The following WWC2 variants were observed in gnomAD, a reference collection of about 807,000 sequenced individuals.
WWC2 encodes protein WWC2.
Under a neutral mutation model 138.5 loss-of-function variants are expected in WWC2, and 101 were observed. The ratio of observed to expected loss-of-function variants is 0.73; its 90% CI spans 0.62 to 0.86. The LOEUF (loss-of-function observed/expected upper bound fraction) is 0.86, where lower values mean the gene tolerates loss of function less well. Ranked by LOEUF, WWC2 falls within the 40% of genes least tolerant of loss-of-function variation. The pLI is 0.00. For synonymous variants in WWC2, 558 were observed against 538.4 expected (o/e 1.04, Z -0.50); for missense variants, 1,420 against 1,419.4 (o/e 1.00, Z -0.01).
At chr4:183,139,680 C>T (rs1733232634) in intron 1 of WWC2, among the ~76,000 whole-genome samples, 1 of 152,182 alleles carries the variant, frequency 6.6e-6, no homozygotes, top group Admixed American at 6.5e-5. Flanking sequence ...CCTAGAATAA[C>T]CAGGCCTATC....
rs571213524 is a variant in WWC2, at chr4:183,316,157, G to A, written c.*428G>A. ...ATGGCAGCAGCGCCACGTGGTATCT[G>A]TGCGCTGGCGAGGAGAGGAGCGCTT... is the stretch of plus-strand genomic sequence containing the variant. On this transcript the variant is annotated 3_prime_UTR_variant, in exon 23 of 23. Coordinates refer to ENST00000403733, the MANE Select transcript of WWC2 (RefSeq NM_024949.6). The A allele has an allele frequency of 1.2e-5, 2 of 168,802 alleles. No individual in the cohort carries two copies. The highest frequency in any genetic ancestry group is 3.4e-4 in the East Asian group (2 of 5,846). 10.5% of individuals were successfully genotyped at this position (168,802 alleles called of 1,614,324 possible). A position where few individuals can be genotyped will look rare whatever the true frequency, so the allele number is the denominator to read the frequency against.
At chr4:183,152,799 C>G (rs1196210306) in intron 1 of WWC2, among the ~76,000 whole-genome samples, 1 of 151,812 alleles carries the variant, frequency 6.6e-6, no homozygotes, top group African/African-American at 2.4e-5. Flanking sequence ...AGGAGAATCG[C>G]TTGAACCCAG....
intron 1 of WWC2, among the ~76,000 whole-genome samples, chr4:183,163,333 G>A (rs1316198357): frequency 6.6e-6 from 1 of 152,336 alleles, no homozygotes; most frequent in East Asian, 1.9e-4. Context: ...CCATCCATCA[G>A]TGGAGTGCAG....
chr4:183,161,264 C>G (rs757538960), intron 1 of WWC2, among the ~76,000 whole-genome samples: 7 of 152,162 alleles, frequency 4.6e-5, no homozygotes, highest in African/African-American at 1.7e-4. Flanking sequence ...CTGCTTTTTA[C>G]TACAAACAGA....
intron 4 of WWC2, among the ~76,000 whole-genome samples, chr4:183,213,146 A>ATGTTTTGAGGTTTTGAG (rs1735657089): frequency 6.6e-6 from 1 of 152,158 alleles, no homozygotes; most frequent in Non-Finnish European, 1.5e-5. Context: ...GTCCTCACAG[A>ATGTTTTGAGGTTTTGAG]CTGTGTTGCT....
At position 183,271,175 on chromosome 4, in the gene WWC2, A is replaced by G. The variant is rs757281968; in HGVS notation, c.2496A>G (p.Lys832=). The G allele has an allele frequency of 7.7e-5, 124 of 1,613,184 alleles. No individual in the cohort carries two copies. Among genetic ancestry groups the G allele is most frequent in the Non-Finnish European group, 9.6e-5 (113 of 1,179,588 alleles). The change falls in exon 16 of 23, where the codon AAA becomes AAG. Residue 832 remains lysine, a synonymous_variant. Coordinates refer to ENST00000403733, the MANE Select transcript of WWC2 (RefSeq NM_024949.6). ...NLLPSKQMPC[K]KNEENEDSVF... ...TTCCTTCCAAGCAAATGCCTTGCAA[A>G]AAGAATGAAGAAAATGAGGACTCTG...
chr4:183,110,525 G>A (rs560419157), intron 1 of WWC2, among the ~76,000 whole-genome samples: 98 of 150,340 alleles, frequency 6.5e-4, no homozygotes, highest in Admixed American at 1.1e-3. Flanking sequence ...AATGGAGCCA[G>A]CTCAGAAGTG....
At chr4:183,290,734 A>G (rs1156860556) in intron 21 of WWC2, among the ~76,000 whole-genome samples, 1 of 152,230 alleles carries the variant, frequency 6.6e-6, no homozygotes, top group Non-Finnish European at 1.5e-5. Context: ...ATGCCAAAAC[A>G]TTGTTTTCTA....
At chr4:183,286,261 G>T (rs954734907) in intron 20 of WWC2, among the ~76,000 whole-genome samples, 1 of 152,102 alleles carries the variant, frequency 6.6e-6, no homozygotes, top group African/African-American at 2.4e-5. Context: ...ATTCATCATT[G>T]GTGTGGAACC....
intron 11 of WWC2, 55 bp from the exon 12 acceptor site, chr4:183,264,923 C>T: frequency 6.5e-7 from 1 of 1,539,386 alleles, no homozygotes; most frequent in Non-Finnish European, 8.8e-7. Flanking sequence ...GTATTTAATA[C>T]TTAACTTTTC....
At chr4:183,225,231 C>T (rs1736037523) in intron 4 of WWC2, among the ~76,000 whole-genome samples, 1 of 152,128 alleles carries the variant, frequency 6.6e-6, no homozygotes, top group African/African-American at 2.4e-5. Context: ...ATTTAAAATA[C>T]ATACATTACC....
intron 1 of WWC2, among the ~76,000 whole-genome samples, chr4:183,133,560 G>A (rs554522509): frequency 5.6e-4 from 85 of 152,148 alleles, no homozygotes; most frequent in African/African-American, 1.9e-3. Context: ...GCAATGGTGC[G>A]ATTTCAGCTC....
intron 21 of WWC2, among the ~76,000 whole-genome samples, chr4:183,301,581 G>A (rs1278846756): frequency 6.6e-6 from 1 of 152,204 alleles, no homozygotes; most frequent in African/African-American, 2.4e-5. Context: ...AAAGTAGTGT[G>A]AGTATAATTG....
chr4:183,187,279 C>T (rs1012045501), intron 1 of WWC2, among the ~76,000 whole-genome samples: 2 of 152,008 alleles, frequency 1.3e-5, no homozygotes, highest in East Asian at 1.9e-4. Context: ...AGGGGCTGGG[C>T]GCAGTGGCTC....
chr4:183,194,553 A>C (rs1321106056), intron 2 of WWC2, among the ~76,000 whole-genome samples: 1 of 152,092 alleles, frequency 6.6e-6, no homozygotes, highest in Non-Finnish European at 1.5e-5. Flanking sequence ...CTTATATTTA[A>C]AATTTGTATA....
intron 1 of WWC2, among the ~76,000 whole-genome samples, chr4:183,144,924 T>C (rs1007027774): frequency 1.4e-4 from 21 of 152,222 alleles, no homozygotes; most frequent in African/African-American, 5.1e-4. Flanking sequence ...CTTTTCTTAG[T>C]CCTTGTTAGA....
chr4:183,259,389 A>G (rs148605708), intron 9 of WWC2, among the ~76,000 whole-genome samples: 5 of 152,196 alleles, frequency 3.3e-5, no homozygotes, highest in African/African-American at 1.2e-4. Flanking sequence ...ATTTAAAAAG[A>G]TTCTAGGCTA....
At position 183,305,865 on chromosome 4, in the gene WWC2, TTTCTTA is replaced by T. The variant is rs1452481501; in HGVS notation, c.3385-6469_3385-6464del. ...AATAAACCAAGGTAAAATAAGAATTTTTCTTATTCTTAATCACATAAATAATTCTAA... is the reference window on the plus strand; with the variant it reads ...AATAAACCAAGGTAAAATAAGAATTTTTCTTAATCACATAAATAATTCTAA... On this transcript the variant is annotated intron_variant, in intron 21 of 22. Coordinates refer to ENST00000403733, the MANE Select transcript of WWC2 (RefSeq NM_024949.6). Among the ~76,000 whole-genome samples the T allele has an allele frequency of 6.6e-5, 10 of 152,316 alleles. No homozygotes were observed. In the South Asian group the frequency reaches 8.3e-4, roughly 13 times the overall value.
rs746781853 is a variant in WWC2, at chr4:183,260,877, CAG to C, written c.1287-31_1287-30del. ...TGTGATTAGGTTTTCCATTTTGTAACAGATTTTATGGTGTGTGCTTTTTGTCT... is the reference window on the plus strand; with the variant it reads ...TGTGATTAGGTTTTCCATTTTGTAACATTTTATGGTGTGTGCTTTTTGTCT... On this transcript the variant is annotated intron_variant, in intron 10 of 22. Coordinates refer to ENST00000403733, the MANE Select transcript of WWC2 (RefSeq NM_024949.6). 52 of 1,603,992 alleles carry C rather than the reference CAG, an allele frequency of 3.2e-5. No homozygotes were observed. In the South Asian group the frequency reaches 5.5e-4, roughly 17 times the overall value.
Sources: allele counts gnomAD v4.1 joint callset (sites outside exome capture counted in the v4.1 genomes callset), GRCh38; gene constraint gnomAD v4.1.1; transcripts MANE v1.5; gene names NCBI Gene and HGNC (gene_info 2026-07-23, HGNC 2026-07-21).